SCO1: variants seen among roughly 807,000 people sequenced by gnomAD.
The protein encoded by SCO1 is cytochrome c oxidase assembly factor SCO1.
SCO1 carries 23 observed loss-of-function variants against 34.0 expected under a neutral mutation model. The observed-to-expected ratio is 0.68, with a 90% CI of 0.49 to 0.96. The LOEUF is 0.96. SCO1 is among the 40% of genes least tolerant of loss of function. SCO1 has a pLI of 0.00. For synonymous variants in SCO1, 161 were observed against 145.5 expected (o/e 1.11, Z -0.77); for missense variants, 404 against 381.6 (o/e 1.06, Z -0.49).
chr17:10,686,641 T>C (rs1278629489), intron 5 of SCO1, 86 bp downstream of exon 5: 6 of 869,686 alleles, frequency 6.9e-6, no homozygotes, highest in Non-Finnish European at 1.2e-5. Flanking sequence ...TTCTCTCTTC[T>C]CAGAAGCTAG....
In SCO1 at chr17:10,677,381, C is replaced by T. The variant is rs888515525; in HGVS notation, c.*3738G>A. On this transcript the variant is annotated 3_prime_UTR_variant, in exon 6 of 6. Coordinates refer to ENST00000255390, the MANE Select transcript of SCO1 (RefSeq NM_004589.4). ...ACAAACTAATTGGGTAACAAATGCT[C>T]GCATGGGTGACTGCTCTTTTAAAGG... is the stretch of plus-strand genomic sequence containing the variant. 2.6e-5 allele frequency: 4 copies of T among 152,044 alleles called. No individual in the cohort carries two copies. The highest frequency in any genetic ancestry group is 2.1e-4 in the South Asian group (1 of 4,832). The allele number at this position is 152,044 out of a possible 1,614,324, so 9.4% of individuals were successfully genotyped here.
At position 10,680,806 on chromosome 17, in the gene SCO1, C is replaced by CGTATCATTAAAA; in HGVS notation, c.*312_*313insTTTTAATGATAC. ...GCTGCTGGGAGGGCCTGTTCGCAGG[C>CGTATCATTAAAA]AGGAATGCACTGGCTGTGCCTCGCC... On this transcript the variant is annotated 3_prime_UTR_variant, in exon 6 of 6. Transcript: ENST00000255390. 1 of 426,890 alleles carries CGTATCATTAAAA rather than the reference C, an allele frequency of 2.3e-6. No individual in the cohort carries two copies. Among genetic ancestry groups the CGTATCATTAAAA allele is most frequent in the South Asian group, 2.3e-5 (1 of 42,710 alleles). 26.4% of individuals were successfully genotyped at this position (426,890 alleles called of 1,614,324 possible). A position where few individuals can be genotyped will look rare whatever the true frequency, so the allele number is the denominator to read the frequency against.
rs1294599910 is a variant in SCO1 at position 10,676,937 on chromosome 17, A to G, written c.*4182T>C. 6.6e-6 allele frequency: 1 copy of G among 152,352 alleles called. No homozygotes were observed. Among genetic ancestry groups the G allele is most frequent in the South Asian group, 2.1e-4 (1 of 4,830 alleles). 9.4% of individuals were successfully genotyped at this position (152,352 alleles called of 1,614,324 possible). The stretch of plus-strand genomic sequence containing the variant: ...GGAATATGTGGCTAAAGAGGCTATT[A>G]CTTGAATCTTGTTAATGAATAGAAA... On this transcript the variant is annotated 3_prime_UTR_variant, in exon 6 of 6. Coordinates refer to ENST00000255390, the MANE Select transcript of SCO1 (RefSeq NM_004589.4).
rs1283991310 is a variant in SCO1 at position 10,695,746 on chromosome 17, G to A, written c.359C>T (p.Ala120Val). Residue 120 changes from alanine to valine, a missense_variant, in exon 2 of 6, where the codon GCA (alanine) becomes GTA (valine). Coordinates refer to ENST00000255390, the MANE Select transcript of SCO1 (RefSeq NM_004589.4). The stretch of plus-strand genomic sequence containing the variant: ...GCAGATGATAATCTACTTACTCTCT[G>A]CCTTTTCTTTCTTGACGTGCTTCAT... ...AGMKHVKKEK[A>V]EKLEKERQRH... The A allele has an allele frequency of 5.0e-6, 8 of 1,607,274 alleles. No individual in the cohort carries two copies. Among genetic ancestry groups the A allele is most frequent in the Non-Finnish European group, 6.8e-6 (8 of 1,174,052 alleles).
At chr17:10,687,201 G>A (rs2074662154) in intron 4 of SCO1, among the ~76,000 whole-genome samples, 1 of 151,938 alleles carries the variant, frequency 6.6e-6, no homozygotes, top group Admixed American at 6.6e-5. Flanking sequence ...AACTTTTCAT[G>A]GCATCATATG....
Position 10,677,864 on chromosome 17 carries a change from C to T in SCO1, c.*3255G>A, listed in dbSNP as rs1227164871. ...GGGCGTGGTGGCTCACACCTGTAAT[C>T]CCAGCACTTTGGGAGGCCGAGGCGG... On this transcript the variant is annotated 3_prime_UTR_variant, in exon 6 of 6. Coordinates refer to ENST00000255390, the MANE Select transcript of SCO1 (RefSeq NM_004589.4). The T allele has an allele frequency of 6.6e-6, 1 of 152,364 alleles. No individual in the cohort carries two copies. Among genetic ancestry groups the T allele is most frequent in the African/African-American group, 2.4e-5 (1 of 41,442 alleles). 9.4% of individuals were successfully genotyped at this position (152,364 alleles called of 1,614,324 possible).
Position 10,686,860 on chromosome 17 carries a change from G to C in SCO1, c.656-18C>G, listed in dbSNP as rs570755567. On this transcript the variant is annotated intron_variant, in intron 4 of 5. Transcript: ENST00000255390. ...AGAAAATTCTAAATAAAAAATGAGA[G>C]AGACAGTGAAAAATGAGAAGCCAGT... 3 of 1,528,508 alleles carry C rather than the reference G, an allele frequency of 2.0e-6. No individual in the cohort carries two copies. The East Asian group carries it at 6.8e-5, about 34-fold the overall frequency. 94.7% of individuals were successfully genotyped at this position (1,528,508 alleles called of 1,614,324 possible). A position where few individuals can be genotyped will look rare whatever the true frequency, so the allele number is the denominator to read the frequency against.
chr17:10,682,493 C>T (rs192275544), intron 5 of SCO1, among the ~76,000 whole-genome samples: 1 of 152,230 alleles, frequency 6.6e-6, no homozygotes, highest in East Asian at 1.9e-4. Context: ...CTCTTCAAGC[C>T]TTACTCTGTA....
Position 10,678,576 on chromosome 17 carries a change from A to C in SCO1, c.*2543T>G, listed in dbSNP as rs530568442. ...AAATGTTTTGTGGCTTAAAACAGATAATCTTTTTAAAGATTTGGCCTTTGA... is the reference window on the plus strand; with the variant it reads ...AAATGTTTTGTGGCTTAAAACAGATCATCTTTTTAAAGATTTGGCCTTTGA... On this transcript the variant is annotated 3_prime_UTR_variant, in exon 6 of 6. Coordinates refer to ENST00000255390, the MANE Select transcript of SCO1 (RefSeq NM_004589.4). 2 of 152,230 alleles carry C rather than the reference A, an allele frequency of 1.3e-5. No individual in the cohort carries two copies. Among genetic ancestry groups the C allele is most frequent in the African/African-American group, 2.4e-5 (1 of 41,448 alleles). 9.4% of individuals were successfully genotyped at this position (152,230 alleles called of 1,614,324 possible). A position where few individuals can be genotyped will look rare whatever the true frequency, so the allele number is the denominator to read the frequency against.
At chr17:10,687,542 C>T (rs1205628374) in intron 4 of SCO1, among the ~76,000 whole-genome samples, 1 of 152,160 alleles carries the variant, frequency 6.6e-6, no homozygotes, top group African/African-American at 2.4e-5. Flanking sequence ...GTACAGAAGC[C>T]AATTTTTGTT....
In SCO1 at chr17:10,692,983, C is replaced by T. The variant is rs144813666; in HGVS notation, c.365-22G>A. ...AACTCTTAAGGAGACAAAAACATATCGACACCAAAAAAAAAGTCAATTTAA... is the reference window on the plus strand; with the variant it reads ...AACTCTTAAGGAGACAAAAACATATTGACACCAAAAAAAAAGTCAATTTAA... On this transcript the variant is annotated intron_variant, in intron 2 of 5. Coordinates refer to ENST00000255390, the MANE Select transcript of SCO1 (RefSeq NM_004589.4). 380 of 1,610,238 alleles carry T rather than the reference C, an allele frequency of 2.4e-4. 3 individuals carry two copies. The African/African-American group carries it at 3.2e-3, about 14-fold the overall frequency.
intron 2 of SCO1, among the ~76,000 whole-genome samples, chr17:10,693,353 C>A (rs1023403036): frequency 6.6e-6 from 1 of 151,878 alleles, no homozygotes; most frequent in Non-Finnish European, 1.5e-5. Context: ...AGGAGGGCAG[C>A]TGGGTGGGGA....
chr17:10,687,825 T>C (rs893612913), intron 4 of SCO1, among the ~76,000 whole-genome samples: 1 of 152,210 alleles, frequency 6.6e-6, no homozygotes, highest in African/African-American at 2.4e-5. Flanking sequence ...GTGTTTTGGT[T>C]AGGTACAGCA....
intron 4 of SCO1, among the ~76,000 whole-genome samples, chr17:10,687,729 A>G (rs1046113781): frequency 3.3e-5 from 5 of 152,214 alleles, no homozygotes; most frequent in Non-Finnish European, 7.3e-5. Context: ...ATACCAAATT[A>G]AAGTTTTAAA....
rs967938783 is a variant in SCO1 at position 10,675,082 on chromosome 17, G to C, written c.*6037C>G. On this transcript the variant is annotated 3_prime_UTR_variant, in exon 6 of 6. Coordinates refer to ENST00000255390, the MANE Select transcript of SCO1 (RefSeq NM_004589.4). ...TAAAAGCCACTGAGCAAACTTCTTT[G>C]CCTCTCAAAGCTGTGGCAACTTTAG... 6.6e-6 allele frequency: 1 copy of C among 152,146 alleles called. No homozygotes were observed. The highest frequency in any genetic ancestry group is 2.4e-5 in the African/African-American group (1 of 41,400). The allele number at this position is 152,146 out of a possible 1,614,324, so 9.4% of individuals were successfully genotyped here.
At position 10,680,798 on chromosome 17, in the gene SCO1, T is replaced by G; in HGVS notation, c.*321A>C. 2.4e-6 allele frequency: 1 copy of G among 412,074 alleles called. No individual in the cohort carries two copies. Among genetic ancestry groups the G allele is most frequent in the South Asian group, 2.4e-5 (1 of 42,244 alleles). 25.5% of individuals were successfully genotyped at this position (412,074 alleles called of 1,614,324 possible). On this transcript the variant is annotated 3_prime_UTR_variant, in exon 6 of 6. Transcript: ENST00000255390. ...GCGGCAAAGCTGCTGGGAGGGCCTG[T>G]TCGCAGGCAGGAATGCACTGGCTGT...
In SCO1 at chr17:10,681,125, C is replaced by G. The variant is rs1452927237; in HGVS notation, c.900G>C (p.Lys300Asn). The G allele has an allele frequency of 6.2e-7, 1 of 1,614,188 alleles. No homozygotes were observed. ...TCCAGCAACACTGCTTTGGCTAGCT[C>G]TTTTTTCTGTATGGCCTCATGTGTG... Reference protein sequence around the residue: ...IATHMRPYRKKS With the variant: ...IATHMRPYRKNS The change falls in exon 6 of 6, where the codon AAG becomes AAC. Residue 300 changes from lysine to asparagine, a missense_variant. Transcript: ENST00000255390.
chr17:10,680,155 T>A lies in SCO1; in HGVS notation c.*964A>T, dbSNP rs965744374. 1 of 152,262 alleles carries A rather than the reference T, an allele frequency of 6.6e-6. No individual in the cohort carries two copies. Among genetic ancestry groups the A allele is most frequent in the Admixed American group, 6.5e-5 (1 of 15,280 alleles). The allele number at this position is 152,262 out of a possible 1,614,324, so 9.4% of individuals were successfully genotyped here. ...GCATCCGAGTCACCTGGGGTATCTG[T>A]CATGGAAGCAGGTCTCTGCATCATA... On this transcript the variant is annotated 3_prime_UTR_variant, in exon 6 of 6. Coordinates refer to ENST00000255390, the MANE Select transcript of SCO1 (RefSeq NM_004589.4).
At chr17:10,682,580 CTTATTTT>C (rs2074629395) in intron 5 of SCO1, among the ~76,000 whole-genome samples, 4 of 152,162 alleles carry the variant, frequency 2.6e-5, no homozygotes, top group Non-Finnish European at 5.9e-5. Flanking sequence ...GTATGTGGGA[CTTATTTT>C]CTGAGTGTTC....
Sources: gnomAD v4.1 joint callset for allele counts (sites outside exome capture counted in the v4.1 genomes callset) on GRCh38, gnomAD v4.1.1 for gene constraint, MANE v1.5 for transcripts, NCBI Gene and HGNC (gene_info 2026-07-23, HGNC 2026-07-21) for gene names.